Variants in STS observed in about 807,000 individuals in gnomAD.
STS encodes steryl-sulfatase.
STS carries 7 observed loss-of-function variants against 26.8 expected under a neutral mutation model. That is an observed-to-expected ratio of 0.26 (90% CI 0.15 to 0.49). The LOEUF (loss-of-function observed/expected upper bound fraction) is 0.49, where lower values mean the gene tolerates loss of function less well. Among genes scored for constraint, STS ranks in the 20% least tolerant of loss-of-function variants. The probability of loss-of-function intolerance (pLI) is 0.98; values close to 1 mark genes in which losing one functional copy is unlikely to be tolerated. For synonymous variants in STS, 199 were observed against 189.4 expected, an observed-to-expected ratio of 1.05 and a Z score of -0.42; for missense variants, 434 against 465.6, an observed-to-expected ratio of 0.93 and a Z score of 0.63.
chrX:7,170,245 C>G (rs1375798076), intron 1 of STS, among the ~76,000 whole-genome samples: 2 of 108,445 alleles, frequency 1.8e-5, no homozygotes, highest in Admixed American at 2.0e-4. Context: ...TATATACAGG[C>G]AGGAGGTAGG....
intron 2 of STS, among the ~76,000 whole-genome samples, chrX:7,243,480 A>G (rs989538273): frequency 2.7e-5 from 3 of 112,108 alleles, no homozygotes; most frequent in Admixed American, 9.5e-5. Flanking sequence ...CTAAAGCCTC[A>G]TGGCTGGTGG....
intron 8 of STS, among the ~76,000 whole-genome samples, chrX:7,314,673 G>A (rs1028414863): frequency 1.8e-5 from 2 of 113,007 alleles, no homozygotes; most frequent in African/African-American, 3.2e-5. Context: ...GCTTGCACCT[G>A]TTGTTGAAAA....
At chrX:7,267,369 G>A (rs1022556072) in intron 6 of STS, among the ~76,000 whole-genome samples, 1 of 112,067 alleles carries the variant, frequency 8.9e-6, no homozygotes, top group African/African-American at 3.2e-5. Context: ...AAAATAAAGC[G>A]TAAGGATGAT....
intron 2 of STS, among the ~76,000 whole-genome samples, chrX:7,206,000 G>C (rs774152816): frequency 9.0e-6 from 1 of 110,923 alleles, no homozygotes; most frequent in East Asian, 2.9e-4. Flanking sequence ...TGATTTGATT[G>C]TATGTAACCC....
At chrX:7,311,853 C>T (rs1926492382) in intron 8 of STS, among the ~76,000 whole-genome samples, 1 of 110,572 alleles carries the variant, frequency 9.0e-6, no homozygotes, top group South Asian at 3.9e-4. Context: ...ACTGTCTCTA[C>T]AAAAAAACAG....
chrX:7,332,142 G>T (rs1179702674), intron 9 of STS, among the ~76,000 whole-genome samples: 2 of 108,885 alleles, frequency 1.8e-5, no homozygotes, highest in Admixed American at 2.0e-4. Context: ...GAAGTTCAAG[G>T]CCAGTCTGGG....
intron 2 of STS, among the ~76,000 whole-genome samples, chrX:7,229,932 G>A (rs1921985613): frequency 9.0e-6 from 1 of 110,624 alleles, no homozygotes; most frequent in African/African-American, 3.3e-5. Flanking sequence ...AGGCTGCAGT[G>A]CACTGGTGTG....
intron 8 of STS, among the ~76,000 whole-genome samples, chrX:7,324,534 G>C (rs764144734): frequency 3.6e-5 from 4 of 111,423 alleles, no homozygotes; most frequent in East Asian, 2.8e-4. Flanking sequence ...TATATTTTGG[G>C]GTAAACTACT....
chrX:7,178,376 A>G (rs1465845683), intron 1 of STS, among the ~76,000 whole-genome samples: 1 of 111,900 alleles, frequency 8.9e-6, no homozygotes, highest in Non-Finnish European at 1.9e-5. Context: ...ATCGAACCTA[A>G]TTTAGAGGAA....
chrX:7,159,994 C>A (rs778146897), intron 1 of STS, among the ~76,000 whole-genome samples: 5 of 111,877 alleles, frequency 4.5e-5, no homozygotes, highest in Admixed American at 9.5e-5. Flanking sequence ...TTGAAGGAGA[C>A]GTACAAAGTG....
intron 8 of STS, among the ~76,000 whole-genome samples, chrX:7,324,767 G>C (rs957263346): frequency 8.1e-5 from 9 of 111,471 alleles, no homozygotes; most frequent in African/African-American, 2.6e-4. Context: ...GCTGAGAGGA[G>C]GTGTCTATTC....
intron 1 of STS, among the ~76,000 whole-genome samples, chrX:7,158,507 T>C (rs1370393702): frequency 8.9e-6 from 1 of 111,754 alleles, no homozygotes; most frequent in Non-Finnish European, 1.9e-5. Flanking sequence ...CAGCTTTGCC[T>C]GAAATCTTCA....
upstream of STS, among the ~76,000 whole-genome samples, chrX:7,147,643 G>A (rs1016443451): frequency 2.7e-5 from 3 of 112,247 alleles, no homozygotes; most frequent in Non-Finnish European, 3.8e-5. Flanking sequence ...GGGAAGCTGA[G>A]GCTGGGCACC....
In STS at chrX:7,325,443, A is replaced by G. The variant is rs1310285627; in HGVS notation, c.1186A>G (p.Met396Val). ...GQKIDEPTSN[M>V]DIFPTVAKLA... ...GAAGATTGATGAGCCCACTAGCAAC[A>G]TGGACATATTTCCTACAGTAGCCAA... The change falls in exon 9 of 11, where the codon ATG becomes GTG. Residue 396 changes from methionine to valine, a missense_variant. Met to Val is a conservative substitution (Grantham distance 21, BLOSUM62 1). Transcript: ENST00000674429. The G allele has an allele frequency of 8.3e-7, 1 of 1,209,626 alleles. No individual in the cohort carries two copies. Among genetic ancestry groups the G allele is most frequent in the Admixed American group, 2.2e-5 (1 of 45,722 alleles).
In STS at chrX:7,150,526, A is replaced by G. The variant is rs1346820454; in HGVS notation, c.-134+2443A>G. ...GTGAGCCACCGCCCCCGGCCAAAAA[A>G]GAGTATTTTTCAAAGGAAAAAAGGC... On this transcript the variant is annotated intron_variant, in intron 1 of 10. Transcript: ENST00000674429. Among the ~76,000 whole-genome samples the G allele has an allele frequency of 4.5e-5, 5 of 112,233 alleles. No individual in the cohort carries two copies. In the East Asian group the frequency reaches 1.4e-3, roughly 31 times the overall value.
chrX:7,255,918 TGG>T (rs1923386726), intron 3 of STS, among the ~76,000 whole-genome samples: 1 of 112,454 alleles, frequency 8.9e-6, no homozygotes. Flanking sequence ...AGGGAAGCCA[TGG>T]GACCAATGAA....
chrX:7,333,611 C>A (rs1927867667), intron 9 of STS, among the ~76,000 whole-genome samples: 1 of 112,277 alleles, frequency 8.9e-6, no homozygotes, highest in Admixed American at 9.5e-5. Context: ...TTTGATCAGG[C>A]AATAGACAGA....
At chrX:7,276,131 T>C in intron 7 of STS, 44 bp downstream of exon 7, 1 of 1,197,602 alleles carries the variant, frequency 8.4e-7, no homozygotes, top group Non-Finnish European at 1.1e-6. Flanking sequence ...GCTAAGTCTT[T>C]GCCTCCTTGT....
intron 2 of STS, among the ~76,000 whole-genome samples, chrX:7,194,892 C>A (rs1041556957): frequency 3.6e-5 from 4 of 111,589 alleles, no homozygotes. Context: ...CTACTATACA[C>A]GCAGACTGTA....
Sources: gnomAD v4.1 joint callset for allele counts (sites outside exome capture counted in the v4.1 genomes callset) on GRCh38, gnomAD v4.1.1 for gene constraint, MANE v1.5 for transcripts, NCBI Gene and HGNC (gene_info 2026-07-23, HGNC 2026-07-21) for gene names.